The following TLL1 variants were observed in gnomAD, a reference collection of about 807,000 sequenced individuals.
TLL1 encodes tolloid-like protein 1.
TLL1 carries 49 observed loss-of-function variants against 128.2 expected under a neutral mutation model. The ratio of observed to expected loss-of-function variants is 0.38; its 90% CI spans 0.30 to 0.48. The LOEUF (loss-of-function observed/expected upper bound fraction) is 0.48. Among genes scored for constraint, TLL1 ranks in the 20% least tolerant of loss-of-function variants. TLL1 has a pLI of 0.96. For synonymous variants in TLL1, 454 were observed against 418.8 expected, an observed-to-expected ratio of 1.08 and a Z score of -1.03; for missense variants, 1,123 against 1,242.0, an observed-to-expected ratio of 0.90 and a Z score of 1.44.
chr4:165,935,619 C>T (rs758808385), intron 1 of TLL1, among the ~76,000 whole-genome samples: 30 of 152,188 alleles, frequency 2.0e-4, no homozygotes, highest in Non-Finnish European at 3.5e-4. Flanking sequence ...GATCACAGGC[C>T]TTTTCCATTC....
At chr4:165,934,173 C>CT (rs779010027) in intron 1 of TLL1, among the ~76,000 whole-genome samples, 17,500 of 108,180 alleles carry the variant, frequency 0.16, 2,321 homozygotes, top group African/African-American at 0.34. Context: ...TAATTTTTTG[C>CT]TTTTTTTTTT....
chr4:166,098,418 A>G (rs1742128427), intron 19 of TLL1, among the ~76,000 whole-genome samples: 2 of 151,638 alleles, frequency 1.3e-5, no homozygotes, highest in African/African-American at 4.8e-5. Context: ...TATTCTCTAA[A>G]TTATACTAAC....
intron 1 of TLL1, among the ~76,000 whole-genome samples, chr4:165,959,295 C>T (rs917011146): frequency 1.3e-5 from 2 of 152,074 alleles, no homozygotes; most frequent in African/African-American, 4.8e-5. Flanking sequence ...CTATAAATTA[C>T]CTTGGGCAGT....
chr4:166,062,978 A>C (rs554957006), intron 15 of TLL1, among the ~76,000 whole-genome samples: 37 of 152,298 alleles, frequency 2.4e-4, no homozygotes, highest in Non-Finnish European at 2.8e-4. Context: ...TGAGATAATC[A>C]TGTGGTTTTT....
intron 9 of TLL1, among the ~76,000 whole-genome samples, chr4:166,038,743 A>G (rs746175084): frequency 6.6e-6 from 1 of 152,194 alleles, no homozygotes; most frequent in Non-Finnish European, 1.5e-5. Context: ...GTCTTTGTAT[A>G]TACATCTTTG....
At chr4:166,011,198 A>C (rs1272575081) in intron 7 of TLL1, among the ~76,000 whole-genome samples, 1 of 151,444 alleles carries the variant, frequency 6.6e-6, no homozygotes, top group South Asian at 2.1e-4. Context: ...AGCAAAAAAA[A>C]TGTTGGGATT....
At chr4:166,054,923 G>T (rs1411117404) in intron 12 of TLL1, among the ~76,000 whole-genome samples, 153 bp from the exon 13 acceptor site, 1 of 152,136 alleles carries the variant, frequency 6.6e-6, no homozygotes, top group East Asian at 1.9e-4. Flanking sequence ...ATATTACAGT[G>T]TACGTTCATG....
intron 2 of TLL1, 64 bp from the exon 3 acceptor site, chr4:165,992,740 T>A (rs1304624620): frequency 7.0e-7 from 1 of 1,429,884 alleles, no homozygotes; most frequent in Non-Finnish European, 9.9e-7. Context: ...TGCCTATGAC[T>A]GTTTTTTATT....
chr4:165,935,389 T>C (rs1394699941), intron 1 of TLL1, among the ~76,000 whole-genome samples: 1 of 152,274 alleles, frequency 6.6e-6, no homozygotes, highest in Non-Finnish European at 1.5e-5. Flanking sequence ...TCTCTTTTGC[T>C]CTAGCAGTAT....
intron 15 of TLL1, among the ~76,000 whole-genome samples, chr4:166,062,621 G>A (rs1740375024): frequency 6.6e-6 from 1 of 152,168 alleles, no homozygotes. Flanking sequence ...ATTTTGGGCA[G>A]AGATGATGGA....
chr4:165,978,941 G>T (rs17047167), intron 1 of TLL1, among the ~76,000 whole-genome samples: 12,125 of 152,178 alleles, frequency 0.08, 1,587 homozygotes, highest in African/African-American at 0.27. Flanking sequence ...AAAATAGTTT[G>T]TTCCCATCCA....
intron 1 of TLL1, among the ~76,000 whole-genome samples, chr4:165,901,291 G>A (rs1343067389): frequency 6.6e-6 from 1 of 152,156 alleles, no homozygotes; most frequent in Non-Finnish European, 1.5e-5. Flanking sequence ...CTGGTGAGGA[G>A]TTGTGATCCT....
intron 20 of TLL1, among the ~76,000 whole-genome samples, chr4:166,100,371 A>AT (rs1460866085): frequency 6.6e-6 from 1 of 152,106 alleles, no homozygotes; most frequent in Admixed American, 6.6e-5. Flanking sequence ...TCTGAAACAC[A>AT]TTTAGTATCT....
At chr4:165,898,630 G>C (rs1427129160) in intron 1 of TLL1, among the ~76,000 whole-genome samples, 1 of 152,180 alleles carries the variant, frequency 6.6e-6, no homozygotes, top group Non-Finnish European at 1.5e-5. Context: ...AATTTGGTTT[G>C]CCAGTATTTT....
At position 165,991,665 on chromosome 4, in the gene TLL1, A is replaced by ATT. The variant is rs33919577; in HGVS notation, c.281-1131_281-1130dup. 3.8e-3 allele frequency among the ~76,000 whole-genome samples: 574 copies of ATT among 150,820 alleles called. 13 individuals are homozygous for ATT. In the East Asian group the frequency reaches 0.061, roughly 16 times the overall value. On this transcript the variant is annotated intron_variant, in intron 2 of 20. Coordinates refer to ENST00000061240, the MANE Select transcript of TLL1 (RefSeq NM_012464.5). ...GGCTTATATAGCAATAGATTTTATC[A>ATT]TTTTTTTTTAGCTTCAGTCTAGGTA...
At position 166,041,019 on chromosome 4, in the gene TLL1, TAAGG is replaced by T. The variant is rs555038816; in HGVS notation, c.1262-997_1262-994del. Among the ~76,000 whole-genome samples, 238 of 152,268 alleles carry T rather than the reference TAAGG, an allele frequency of 1.6e-3. 1 individual carries two copies. The highest frequency in any genetic ancestry group is 5.2e-3 in the African/African-American group (215 of 41,550). On this transcript the variant is annotated intron_variant, in intron 10 of 20. Coordinates refer to ENST00000061240, the MANE Select transcript of TLL1 (RefSeq NM_012464.5). ...ATAAGCATAAATATTTGTGGAAAGATAAGGAAGGAAGGAATGACAGGTATTATAT... is the reference window on the plus strand; with the variant it reads ...ATAAGCATAAATATTTGTGGAAAGATAAGGAAGGAATGACAGGTATTATAT...
chr4:165,896,537 C>T (rs145933053), intron 1 of TLL1, among the ~76,000 whole-genome samples: 1,714 of 139,950 alleles, frequency 0.012, 30 homozygotes, highest in African/African-American at 0.043. Flanking sequence ...GACTGGAGTG[C>T]AGTGGCATGA....
At chr4:165,919,622 C>T (rs1476270636) in intron 1 of TLL1, among the ~76,000 whole-genome samples, 1 of 151,768 alleles carries the variant, frequency 6.6e-6, no homozygotes, top group Non-Finnish European at 1.5e-5. Flanking sequence ...AAATGAATGG[C>T]AATATGGAGA....
At chr4:166,046,760 G>A (rs556646752) in intron 12 of TLL1, among the ~76,000 whole-genome samples, 14 of 152,248 alleles carry the variant, frequency 9.2e-5, no homozygotes, top group East Asian at 1.9e-4. Flanking sequence ...GTATTAATGC[G>A]TCTTTAAACA....
Sources: allele counts gnomAD v4.1 joint callset (sites outside exome capture counted in the v4.1 genomes callset), GRCh38; gene constraint gnomAD v4.1.1; transcripts MANE v1.5; gene names NCBI Gene and HGNC (gene_info 2026-07-23, HGNC 2026-07-21).